The following SMIM24 variants were observed in gnomAD, a reference collection of about 807,000 sequenced individuals.
SMIM24 encodes MAP17-related dimer.
A neutral mutation model predicts 10.8 loss-of-function variants in SMIM24; 6 were observed. That is an observed-to-expected ratio of 0.55 (90% CI 0.30 to 1.09). The LOEUF is 1.09. Ranked by LOEUF, SMIM24 falls within the 50% of genes least tolerant of loss-of-function variation. The pLI is 0.06. For missense variants in SMIM24, 151 were observed against 153.4 expected (o/e 0.98, Z 0.08); for synonymous variants, 71 against 62.4 (o/e 1.14, Z -0.65).
At chr19:3,480,358 CCTAT>C in intron 1 of SMIM24, 35 bp downstream of exon 1, 1 of 1,455,698 alleles carries the variant, frequency 6.9e-7, no homozygotes, top group Non-Finnish European at 9.3e-7. Flanking sequence ...GACCAACTCC[CCTAT>C]CCCGCGACGC....
At chr19:3,478,616 G>A in intron 2 of SMIM24, 138 bp from the exon 3 acceptor site, 1 of 946,402 alleles carries the variant, frequency 1.1e-6, no homozygotes, top group Non-Finnish European at 1.6e-6. Context: ...GCAAGGAAGG[G>A]CTGGGCTGCC....
At chr19:3,478,314 G>T in intron 3 of SMIM24, 105 bp downstream of exon 3, 1 of 1,068,088 alleles carries the variant, frequency 9.4e-7, no homozygotes, top group Non-Finnish European at 1.3e-6. Context: ...TCCCAGGGCA[G>T]GAATGTGTTT....
chr19:3,476,605 G>A (rs1447905959), intron 3 of SMIM24, among the ~76,000 whole-genome samples: 1 of 152,126 alleles, frequency 6.6e-6, no homozygotes, highest in African/African-American at 2.4e-5. Context: ...CTTAGACAAA[G>A]CCACCACTCA....
Position 3,474,728 on chromosome 19 carries a change from CTG to C in SMIM24, c.*113_*114del, listed in dbSNP as rs764589122. On this transcript the variant is annotated 3_prime_UTR_variant, in exon 4 of 4. Transcript: ENST00000215531. ...TCCAAGCCTTCTTCACTTGAGAACA[CTG>C]TATTCTGAATCCCAGATGGAGTCAT... is the stretch of plus-strand genomic sequence containing the variant. 1.5e-6 allele frequency: 2 copies of C among 1,339,248 alleles called. No individual in the cohort carries two copies. The highest frequency in any genetic ancestry group is 5.0e-5 in the East Asian group (2 of 39,744). The allele number at this position is 1,339,248 out of a possible 1,614,324, so 83.0% of individuals were successfully genotyped here. A position where few individuals can be genotyped will look rare whatever the true frequency, so the allele number is the denominator to read the frequency against.
intron 3 of SMIM24, among the ~76,000 whole-genome samples, chr19:3,477,653 G>C (rs1447542510): frequency 6.9e-6 from 1 of 144,134 alleles, no homozygotes; most frequent in African/African-American, 2.6e-5. Context: ...TGGGTGGATG[G>C]GTGAGTGGGT....
At chr19:3,478,756 G>A in intron 2 of SMIM24, 62 bp downstream of exon 2, 1 of 1,324,000 alleles carries the variant, frequency 7.6e-7, no homozygotes, top group Non-Finnish European at 1.0e-6. Flanking sequence ...TACCAGAGAG[G>A]GTTGGGAAGC....
rs2082785355 is a variant in SMIM24, at chr19:3,474,660, C to T, written c.*183G>A. 2.9e-6 allele frequency: 2 copies of T among 687,380 alleles called. No homozygotes were observed. The highest frequency in any genetic ancestry group is 4.6e-6 in the Non-Finnish European group (2 of 435,174). The allele number at this position is 687,380 out of a possible 1,614,324, so 42.6% of individuals were successfully genotyped here. On this transcript the variant is annotated 3_prime_UTR_variant, in exon 4 of 4. Transcript: ENST00000215531. ...CTCAGGAAGAGGGGTGCATGAAAAC[C>T]ATGTTTGCCCAGAGAGCCCCCAATG...
rs541271251 is a variant in SMIM24, at chr19:3,480,440, C to T, written c.24G>A (p.Leu8=). The T allele has an allele frequency of 5.2e-6, 8 of 1,549,422 alleles. No homozygotes were observed. The South Asian group carries it at 8.3e-5, about 16-fold the overall frequency. The change falls in exon 1 of 4, where the codon CTG becomes CTA. Residue 8 remains leucine (L), a synonymous_variant. Coordinates refer to ENST00000215531, the MANE Select transcript of SMIM24 (RefSeq NM_001136503.2). METLGAL[L]VLEFLLLSPV... ...GGGAGAGGAGCAGAAACTCCAGCAC[C>T]AGAAGGGCCCCCAGGGTCTCCATGA...
rs1195732908 is a variant in SMIM24, at chr19:3,474,647, G to T, written c.*196C>A. On this transcript the variant is annotated 3_prime_UTR_variant, in exon 4 of 4. Transcript: ENST00000215531. ...GGCAGGGACCAAGCTCAGGAAGAGGGGTGCATGAAAACCATGTTTGCCCAG... is the reference window on the plus strand; with the variant it reads ...GGCAGGGACCAAGCTCAGGAAGAGGTGTGCATGAAAACCATGTTTGCCCAG... The T allele has an allele frequency of 4.7e-5, 29 of 617,296 alleles. No homozygotes were observed. The highest frequency in any genetic ancestry group is 6.7e-5 in the Non-Finnish European group (25 of 371,200). The allele number at this position is 617,296 out of a possible 1,614,324, so 38.2% of individuals were successfully genotyped here. A position where few individuals can be genotyped will look rare whatever the true frequency, so the allele number is the denominator to read the frequency against.
rs778177221 is a variant in SMIM24, at chr19:3,474,508, G to A, written c.*335C>T. Reference sequence around the variant, plus strand: ...GGAAGTTCTGTTCAGTAGACATCAGGCAGAGAGAAAAGAAATCAGGCAGTG... The same window carrying A: ...GGAAGTTCTGTTCAGTAGACATCAGACAGAGAGAAAAGAAATCAGGCAGTG... On this transcript the variant is annotated 3_prime_UTR_variant, in exon 4 of 4. Coordinates refer to ENST00000215531, the MANE Select transcript of SMIM24 (RefSeq NM_001136503.2). 69 of 311,506 alleles carry A rather than the reference G, an allele frequency of 2.2e-4. No homozygotes were observed. Among genetic ancestry groups the A allele is most frequent in the Middle Eastern group, 1.0e-3 (1 of 982 alleles). 19.3% of individuals were successfully genotyped at this position (311,506 alleles called of 1,614,324 possible). A position where few individuals can be genotyped will look rare whatever the true frequency, so the allele number is the denominator to read the frequency against.
intron 1 of SMIM24, among the ~76,000 whole-genome samples, chr19:3,480,089 G>A (rs558177408): frequency 1.3e-5 from 2 of 151,872 alleles, no homozygotes; most frequent in Admixed American, 6.5e-5. Flanking sequence ...CAGATGGGGA[G>A]GGGCTTGTAA....
rs577213813 is a variant in SMIM24, at chr19:3,474,572, C to T, written c.*271G>A. The T allele has an allele frequency of 6.7e-6, 3 of 449,766 alleles. No homozygotes were observed. Among genetic ancestry groups the T allele is most frequent in the Non-Finnish European group, 1.2e-5 (3 of 252,912 alleles). 27.9% of individuals were successfully genotyped at this position (449,766 alleles called of 1,614,324 possible). A position where few individuals can be genotyped will look rare whatever the true frequency, so the allele number is the denominator to read the frequency against. ...GGAGCCATGAGATCGTGGAGGATTG[C>T]GGGTGTCTCCTCAACCAGGGATGCT... On this transcript the variant is annotated 3_prime_UTR_variant, in exon 4 of 4. Transcript: ENST00000215531.
chr19:3,478,983 C>G lies in SMIM24; in HGVS notation c.68-54G>C, dbSNP rs547807588. On this transcript the variant is annotated intron_variant, in intron 1 of 3. Transcript: ENST00000215531. ...GAGGAAGAAAAGGTCAGAAGACCCC[C>G]TTCCCCCACCACCCTAGCAAGGAGA... 1.8e-4 allele frequency: 244 copies of G among 1,369,360 alleles called. No homozygotes were observed. In the African/African-American group the frequency reaches 3.1e-3, roughly 18 times the overall value. 84.8% of individuals were successfully genotyped at this position (1,369,360 alleles called of 1,614,324 possible).
chr19:3,477,679 GGATGGATGGATGGTGGGT>G (rs1428703372), intron 3 of SMIM24, among the ~76,000 whole-genome samples: 2 of 144,438 alleles, frequency 1.4e-5, no homozygotes, highest in African/African-American at 2.6e-5. Context: ...GGTGGGTGAT[GGATGGATGGATGGTGGGT>G]GATGGATGGA....
At chr19:3,480,022 A>T (rs1191961603) in intron 1 of SMIM24, among the ~76,000 whole-genome samples, 11 of 141,420 alleles carry the variant, frequency 7.8e-5, no homozygotes, top group Non-Finnish European at 1.5e-4. Flanking sequence ...GGGCTCGGGG[A>T]GGGGTTTATA....
In SMIM24 at chr19:3,474,513, G is replaced by C. The variant is rs1034329269; in HGVS notation, c.*330C>G. ...TTCTGTTCAGTAGACATCAGGCAGA[G>C]AGAAAAGAAATCAGGCAGTGGGGAG... On this transcript the variant is annotated 3_prime_UTR_variant, in exon 4 of 4. Transcript: ENST00000215531. 9.3e-6 allele frequency: 3 copies of C among 322,090 alleles called. No homozygotes were observed. The highest frequency in any genetic ancestry group is 1.7e-5 in the Non-Finnish European group (3 of 174,962). The allele number at this position is 322,090 out of a possible 1,614,324, so 20.0% of individuals were successfully genotyped here.
chr19:3,474,884 CTT>C lies in SMIM24; in HGVS notation c.350_351del (p.Lys117ArgfsTer6), dbSNP rs1357231594. On this transcript the variant is annotated frameshift_variant, in exon 4 of 4. Coordinates refer to ENST00000215531, the MANE Select transcript of SMIM24 (RefSeq NM_001136503.2). LOFTEE classifies it low-confidence loss of function (END_TRUNC). Reference sequence around the variant, plus strand: ...TTTGCTCTCTCATGGTCTCCGGGCTCTTTTTCCTCCAGATCCAGTCCCAAGTT... The same window carrying C: ...TTTGCTCTCTCATGGTCTCCGGGCTCTTTCCTCCAGATCCAGTCCCAAGTT... ...ESNLGLDLEE[K>X]EPGDHERAKS... 1 of 1,551,680 alleles carries C rather than the reference CTT, an allele frequency of 6.4e-7. No individual in the cohort carries two copies. Among genetic ancestry groups the C allele is most frequent in the South Asian group, 1.2e-5 (1 of 84,056 alleles).
rs1599748970 is a variant in SMIM24, at chr19:3,474,588, C to A, written c.*255G>T. The A allele has an allele frequency of 2.5e-5, 12 of 487,016 alleles. No homozygotes were observed. In the East Asian group the frequency reaches 3.9e-4, roughly 16 times the overall value. 30.2% of individuals were successfully genotyped at this position (487,016 alleles called of 1,614,324 possible). On this transcript the variant is annotated 3_prime_UTR_variant, in exon 4 of 4. Coordinates refer to ENST00000215531, the MANE Select transcript of SMIM24 (RefSeq NM_001136503.2). ...GGAGGATTGCGGGTGTCTCCTCAAC[C>A]AGGGATGCTCTCCGAGTATAAGAAG...
At position 3,474,545 on chromosome 19, in the gene SMIM24, G is replaced by T. The variant is rs2082784952; in HGVS notation, c.*298C>A. The T allele has an allele frequency of 2.5e-6, 1 of 392,508 alleles. No individual in the cohort carries two copies. Among genetic ancestry groups the T allele is most frequent in the Non-Finnish European group, 4.6e-6 (1 of 218,762 alleles). 24.3% of individuals were successfully genotyped at this position (392,508 alleles called of 1,614,324 possible). On this transcript the variant is annotated 3_prime_UTR_variant, in exon 4 of 4. Coordinates refer to ENST00000215531, the MANE Select transcript of SMIM24 (RefSeq NM_001136503.2). ...GAAATCAGGCAGTGGGGAGAAGCAG[G>T]TGGAGCCATGAGATCGTGGAGGATT...
Sources: allele counts gnomAD v4.1 joint callset (sites outside exome capture counted in the v4.1 genomes callset), GRCh38; gene constraint gnomAD v4.1.1; transcripts MANE v1.5; gene names NCBI Gene and HGNC (gene_info 2026-07-23, HGNC 2026-07-21).